Variants in RIC1 observed in about 807,000 individuals in gnomAD.
The protein encoded by RIC1 is guanine nucleotide exchange factor subunit RIC1.
In RIC1, 88 loss-of-function variants were observed where a neutral mutation model predicts 169.0. The observed-to-expected ratio is 0.52, with a 90% confidence interval of 0.44 to 0.62. The LOEUF (loss-of-function observed/expected upper bound fraction) is 0.62. Among genes scored for constraint, RIC1 ranks in the 20% least tolerant of loss-of-function variants. RIC1 has a pLI of 0.00. For synonymous variants in RIC1, 790 were observed against 601.5 expected, an observed-to-expected ratio of 1.31 and a Z score of -4.59; for missense variants, 1,877 against 1,725.5, an observed-to-expected ratio of 1.09 and a Z score of -1.56.
chr9:5,717,847 A>T (rs548940475), intron 4 of RIC1, among the ~76,000 whole-genome samples: 19 of 150,982 alleles, frequency 1.3e-4, no homozygotes, highest in Middle Eastern at 3.4e-3. Flanking sequence ...AAAATAAAAA[A>T]AAAAAAAGTT....
intron 8 of RIC1, 104 bp from the exon 9 acceptor site, chr9:5,742,765 A>T: frequency 9.9e-7 from 1 of 1,011,094 alleles, no homozygotes; most frequent in Non-Finnish European, 1.4e-6. Flanking sequence ...ATACCTTTCT[A>T]CTCATTTAGA....
chr9:5,638,878 T>G (rs7019434), intron 1 of RIC1, among the ~76,000 whole-genome samples: 2 of 151,974 alleles, frequency 1.3e-5, no homozygotes, highest in South Asian at 4.1e-4. Flanking sequence ...TTGCTTTTCT[T>G]GTTGTTTAAG....
rs781589142 is a variant in RIC1, at chr9:5,720,164, A to G, written c.441-18A>G. 2 of 1,599,534 alleles carry G rather than the reference A, an allele frequency of 1.3e-6. No homozygotes were observed. The highest frequency in any genetic ancestry group is 2.2e-5 in the East Asian group (1 of 44,642). On this transcript the variant is annotated intron_variant, in intron 4 of 25. Transcript: ENST00000414202. ...TTCCCAGTATGCTCTCTTAAAAATTAATTGATTCTACCTACAGTTTGCAGT... is the reference window on the plus strand; with the variant it reads ...TTCCCAGTATGCTCTCTTAAAAATTGATTGATTCTACCTACAGTTTGCAGT...
chr9:5,668,102 G>C (rs894345907), intron 2 of RIC1, among the ~76,000 whole-genome samples: 19 of 152,128 alleles, frequency 1.2e-4, no homozygotes, highest in African/African-American at 4.1e-4. Context: ...TGGCAGGAGA[G>C]AAGTGCTGAG....
intron 12 of RIC1, 24 bp downstream of exon 12, chr9:5,747,529 T>C: frequency 6.4e-7 from 1 of 1,570,258 alleles, no homozygotes. Context: ...TACTGATTAC[T>C]AGAGACTTAT....
intron 1 of RIC1, among the ~76,000 whole-genome samples, chr9:5,635,531 T>C (rs1419839822): frequency 6.6e-6 from 1 of 152,204 alleles, no homozygotes; most frequent in Admixed American, 6.5e-5. Context: ...TTCTGTTGCA[T>C]TGGTCTATGT....
intron 2 of RIC1, among the ~76,000 whole-genome samples, chr9:5,656,918 C>T (rs1241097884): frequency 6.6e-6 from 1 of 152,162 alleles, no homozygotes; most frequent in Non-Finnish European, 1.5e-5. Context: ...AACATAGCAC[C>T]TGTATCCTTT....
intron 2 of RIC1, among the ~76,000 whole-genome samples, chr9:5,671,044 A>G (rs939850185): frequency 2.0e-5 from 3 of 152,164 alleles, no homozygotes; most frequent in Admixed American, 6.5e-5. Flanking sequence ...CTTAGGTTCT[A>G]CAGTAGTGAT....
At chr9:5,768,089 A>C (rs562357460) in intron 21 of RIC1, among the ~76,000 whole-genome samples, 2 of 152,350 alleles carry the variant, frequency 1.3e-5, no homozygotes, top group Non-Finnish European at 1.5e-5. Context: ...GCAGTACTGC[A>C]CCAGAGACTA....
chr9:5,754,519 G>A (rs1461851435), intron 14 of RIC1, among the ~76,000 whole-genome samples: 1 of 152,062 alleles, frequency 6.6e-6, no homozygotes, highest in Non-Finnish European at 1.5e-5. Flanking sequence ...ACTTGAGGCT[G>A]GGAGTCCAAG....
intron 7 of RIC1, among the ~76,000 whole-genome samples, chr9:5,733,868 A>C (rs1824527860): frequency 1.3e-5 from 2 of 151,586 alleles, no homozygotes; most frequent in Admixed American, 1.3e-4. Flanking sequence ...CTGTCTCATA[A>C]AGCAAGTTAT....
At chr9:5,728,799 C>G (rs1424706103) in intron 6 of RIC1, among the ~76,000 whole-genome samples, 1 of 152,116 alleles carries the variant, frequency 6.6e-6, no homozygotes, top group Non-Finnish European at 1.5e-5. Context: ...CCTGAGATTC[C>G]CTTTACTCTT....
chr9:5,698,691 A>G (rs1236636908), intron 3 of RIC1, among the ~76,000 whole-genome samples: 1 of 152,116 alleles, frequency 6.6e-6, no homozygotes, highest in East Asian at 1.9e-4. Flanking sequence ...TTTTCCCAAG[A>G]CTTTGGAAAA....
chr9:5,761,196 C>T (rs1278627553), intron 17 of RIC1, among the ~76,000 whole-genome samples: 5 of 148,278 alleles, frequency 3.4e-5, no homozygotes, highest in Non-Finnish European at 5.9e-5. Context: ...TCACTGCAGC[C>T]TCCGTCTCCC....
chr9:5,742,271 G>A (rs1333738597), intron 8 of RIC1, among the ~76,000 whole-genome samples: 1 of 152,116 alleles, frequency 6.6e-6, no homozygotes, highest in Non-Finnish European at 1.5e-5. Flanking sequence ...AACATGCTGT[G>A]AGTCATCAGA....
At chr9:5,728,174 A>T (rs1351952044) in intron 6 of RIC1, among the ~76,000 whole-genome samples, 1 of 152,208 alleles carries the variant, frequency 6.6e-6, no homozygotes, top group African/African-American at 2.4e-5. Flanking sequence ...GGCCTCCTTG[A>T]GCTGCGGTGG....
intron 14 of RIC1, 140 bp downstream of exon 14, chr9:5,753,786 A>C: frequency 2.2e-6 from 1 of 464,534 alleles, no homozygotes; most frequent in Non-Finnish European, 3.8e-6. Flanking sequence ...AGTGATATTG[A>C]ATAATATGTA....
intron 5 of RIC1, 24 bp from the exon 6 acceptor site, chr9:5,720,590 T>G (rs1377083748): frequency 6.4e-7 from 1 of 1,570,836 alleles, no homozygotes; most frequent in Non-Finnish European, 8.6e-7. Flanking sequence ...TAATCCTATT[T>G]CATGTGCTTA....
At chr9:5,747,989 C>A (rs567937466) in intron 12 of RIC1, among the ~76,000 whole-genome samples, 1 of 152,130 alleles carries the variant, frequency 6.6e-6, no homozygotes, top group Non-Finnish European at 1.5e-5. Context: ...ATTGTTAATA[C>A]TTTTATTAGC....
Sources: gnomAD v4.1 joint callset for allele counts (sites outside exome capture counted in the v4.1 genomes callset) on GRCh38, gnomAD v4.1.1 for gene constraint, MANE v1.5 for transcripts, NCBI Gene and HGNC (gene_info 2026-07-23, HGNC 2026-07-21) for gene names.